TOX: variants seen among roughly 807,000 people sequenced by gnomAD.
TOX encodes the protein thymocyte selection-associated high mobility group box protein TOX.
TOX carries 11 observed loss-of-function variants against 53.7 expected under a neutral mutation model. The observed-to-expected ratio is 0.20, with a 90% CI of 0.13 to 0.34. TOX has a LOEUF of 0.34. TOX is among the 10% of genes least tolerant of loss of function. The pLI, the probability that TOX is intolerant of heterozygous loss-of-function variation, is 1.00. For synonymous variants in TOX, 225 were observed against 245.3 expected (o/e 0.92, Z 0.77); for missense variants, 570 against 664.6 (o/e 0.86, Z 1.56).
intron 3 of TOX, among the ~76,000 whole-genome samples, chr8:58,936,123 C>T (rs1276025231): frequency 1.3e-5 from 2 of 152,162 alleles, no homozygotes; most frequent in Non-Finnish European, 2.9e-5. Flanking sequence ...AAACCACCAG[C>T]GATTGCTTCT....
At chr8:59,079,034 G>A (rs529034166) in intron 1 of TOX, among the ~76,000 whole-genome samples, 4 of 152,274 alleles carry the variant, frequency 2.6e-5, no homozygotes, top group Admixed American at 2.0e-4. Context: ...TGATGATTTA[G>A]GGTATCTGGT....
At chr8:58,829,616 C>T (rs541517832) in intron 5 of TOX, among the ~76,000 whole-genome samples, 1 of 152,222 alleles carries the variant, frequency 6.6e-6, no homozygotes, top group Admixed American at 6.5e-5. Flanking sequence ...GTAGTCTCCT[C>T]AACAGTAATT....
At chr8:59,056,098 C>T (rs1044218426) in intron 1 of TOX, among the ~76,000 whole-genome samples, 3 of 151,980 alleles carry the variant, frequency 2.0e-5, no homozygotes, top group Non-Finnish European at 4.4e-5. Context: ...ATTTTAAAGT[C>T]TTCTTGGAAG....
intron 1 of TOX, among the ~76,000 whole-genome samples, chr8:59,081,309 C>T (rs1804403324): frequency 6.6e-6 from 1 of 152,082 alleles, no homozygotes; most frequent in Non-Finnish European, 1.5e-5. Flanking sequence ...TTACAGGAGT[C>T]AGCTGCTGTG....
At chr8:58,811,864 A>G (rs1048806006) in intron 7 of TOX, among the ~76,000 whole-genome samples, 5 of 152,258 alleles carry the variant, frequency 3.3e-5, no homozygotes, top group African/African-American at 1.2e-4. Context: ...CTAGAAAAAA[A>G]TGAAACTATT....
At chr8:58,810,537 G>A (rs983401199) in intron 7 of TOX, among the ~76,000 whole-genome samples, 1 of 151,876 alleles carries the variant, frequency 6.6e-6, no homozygotes, top group African/African-American at 2.4e-5. Flanking sequence ...ATGTGTTGTA[G>A]AGACATAGTT....
intron 1 of TOX, among the ~76,000 whole-genome samples, chr8:59,085,556 T>C (rs1804492433): frequency 6.6e-6 from 1 of 152,106 alleles, no homozygotes; most frequent in South Asian, 2.1e-4. Context: ...ACTTGGCTAA[T>C]TTATTGATTT....
At chr8:58,885,088 C>T (rs1372549911) in intron 3 of TOX, among the ~76,000 whole-genome samples, 1 of 151,954 alleles carries the variant, frequency 6.6e-6, no homozygotes, top group Non-Finnish European at 1.5e-5. Context: ...CAGTATTAAC[C>T]TTTTACAGAA....
At position 59,076,216 on chromosome 8, in the gene TOX, T is replaced by G. The variant is rs192172070; in HGVS notation, c.102+42670A>C. Among the ~76,000 whole-genome samples the G allele has an allele frequency of 9.2e-4, 140 of 152,178 alleles. 2 individuals carry two copies. In the East Asian group the frequency reaches 0.022, roughly 24 times the overall value. ...AGTGGATACCCCTGAGACGGTAAGA[T>G]AGGGTTGAAGTGAAAGTCACGCTGC... On this transcript the variant is annotated intron_variant, in intron 1 of 8. Coordinates refer to ENST00000361421, the MANE Select transcript of TOX (RefSeq NM_014729.3).
chr8:59,103,977 T>C (rs950813184), intron 1 of TOX, among the ~76,000 whole-genome samples: 1 of 152,244 alleles, frequency 6.6e-6, no homozygotes, highest in African/African-American at 2.4e-5. Flanking sequence ...CAACTTCATA[T>C]GTGCTTTAAG....
At chr8:58,911,702 T>TC (rs1158185259) in intron 3 of TOX, among the ~76,000 whole-genome samples, 2 of 152,082 alleles carry the variant, frequency 1.3e-5, no homozygotes, top group Non-Finnish European at 2.9e-5. Context: ...TCAAAACTTT[T>TC]CTTTTTTTTT....
At chr8:58,918,714 G>T (rs1286468465) in intron 3 of TOX, among the ~76,000 whole-genome samples, 2 of 63,048 alleles carry the variant, frequency 3.2e-5, no homozygotes, top group Non-Finnish European at 6.0e-5. Flanking sequence ...GGGCAATCAG[G>T]CAGGAGAAGG....
intron 3 of TOX, among the ~76,000 whole-genome samples, chr8:58,890,669 G>A (rs564954947): frequency 2.6e-5 from 4 of 152,228 alleles, no homozygotes; most frequent in Admixed American, 1.3e-4. Context: ...CATAGATAAC[G>A]TTAGGAGGAG....
intron 5 of TOX, among the ~76,000 whole-genome samples, chr8:58,835,075 G>A (rs1342369112): frequency 6.6e-6 from 1 of 152,078 alleles, no homozygotes; most frequent in Non-Finnish European, 1.5e-5. Context: ...TGGCATAATT[G>A]TTTTGGCAAC....
intron 3 of TOX, among the ~76,000 whole-genome samples, chr8:58,893,450 G>A (rs1027711230): frequency 1.1e-4 from 16 of 152,140 alleles, no homozygotes; most frequent in African/African-American, 3.6e-4. Context: ...ATTATCTAGT[G>A]ATAGTGTTTT....
intron 5 of TOX, among the ~76,000 whole-genome samples, chr8:58,834,293 C>T (rs1222815708): frequency 6.6e-6 from 1 of 152,144 alleles, no homozygotes; most frequent in Non-Finnish European, 1.5e-5. Context: ...AATTGTGGCA[C>T]ATGAAATCTT....
At chr8:58,824,305 G>GT (rs1810331968) in intron 6 of TOX, among the ~76,000 whole-genome samples, 1 of 152,116 alleles carries the variant, frequency 6.6e-6, no homozygotes, top group African/African-American at 2.4e-5. Flanking sequence ...CTTTAAAAAC[G>GT]TAAGTCCCAT....
chr8:58,824,154 C>A (rs1810328851), intron 6 of TOX, among the ~76,000 whole-genome samples: 1 of 152,174 alleles, frequency 6.6e-6, no homozygotes, highest in South Asian at 2.1e-4. Context: ...CAGCAGAAGA[C>A]TGAGGGCAGT....
chr8:59,080,575 A>G (rs1320438068), intron 1 of TOX, among the ~76,000 whole-genome samples: 2 of 152,126 alleles, frequency 1.3e-5, no homozygotes, highest in African/African-American at 2.4e-5. Flanking sequence ...ATTTGTCCTC[A>G]CCCAAATCTT....
Sources: gnomAD v4.1 joint callset for allele counts (sites outside exome capture counted in the v4.1 genomes callset) on GRCh38, gnomAD v4.1.1 for gene constraint, MANE v1.5 for transcripts, NCBI Gene and HGNC (gene_info 2026-07-23, HGNC 2026-07-21) for gene names.